The following PDGFRB variants were observed in gnomAD, a reference collection of about 807,000 sequenced individuals.
PDGFRB encodes the protein platelet-derived growth factor receptor beta.
In PDGFRB, 42 loss-of-function variants were observed where a neutral mutation model predicts 120.2. The ratio of observed to expected loss-of-function variants is 0.35; its 90% CI spans 0.27 to 0.45. PDGFRB has a LOEUF of 0.45. Ranked by LOEUF, PDGFRB falls within the 20% of genes least tolerant of loss-of-function variation. The pLI, the probability that PDGFRB is intolerant of heterozygous loss-of-function variation, is 1.00. For synonymous variants in PDGFRB, 586 were observed against 606.8 expected (o/e 0.97, Z 0.50); for missense variants, 1,149 against 1,476.3 (o/e 0.78, Z 3.63).
intron 1 of PDGFRB, among the ~76,000 whole-genome samples, chr5:150,149,620 C>T (rs1213796566): frequency 6.6e-6 from 1 of 152,182 alleles, no homozygotes; most frequent in Non-Finnish European, 1.5e-5. Context: ...CTGGGTTGGA[C>T]ACTGATAAGG....
Position 150,132,751 on chromosome 5 carries a change from G to A in PDGFRB, c.1126C>T (p.Arg376Trp), listed in dbSNP as rs142621427. Residue 376 changes from arginine to tryptophan, a missense_variant and splice_region_variant, in exon 7 of 23, where the codon CGG (arginine) becomes TGG (tryptophan). Physicochemically the swap from Arg to Trp is moderately radical, Grantham distance 101 (BLOSUM62 -3). Coordinates refer to ENST00000261799, the MANE Select transcript of PDGFRB (RefSeq NM_002609.4). The surrounding 1 kb of genome is among the most constrained non-coding windows in gnomAD (Gnocchi z 5.0). Reference protein sequence around the residue: ...ALSTRNVSETRYVSELTLVRV... With the variant: ...ALSTRNVSETWYVSELTLVRV... The stretch of plus-strand genomic sequence containing the variant: ...GGGATGGGAGAGCGAGCTGCTCACC[G>A]GGTCTCCGACACGTTGCGCGTGGAC... 8.1e-6 allele frequency: 13 copies of A among 1,611,180 alleles called. No individual in the cohort carries two copies. Among genetic ancestry groups the A allele is most frequent in the African/African-American group, 4.0e-5 (3 of 75,006 alleles).
intron 1 of PDGFRB, among the ~76,000 whole-genome samples, chr5:150,142,719 T>G (rs1279658333): frequency 6.6e-6 from 1 of 152,130 alleles, no homozygotes; most frequent in Non-Finnish European, 1.5e-5. Flanking sequence ...TATGTTCTTT[T>G]CCCTGCAAAT....
chr5:150,133,544 C>A (rs1169962698), intron 6 of PDGFRB, 42 bp downstream of exon 6: 1 of 1,536,416 alleles, frequency 6.5e-7, no homozygotes, highest in Non-Finnish European at 9.0e-7. Context: ...GGGTGGGGAG[C>A]GTTGAAGGAA....
chr5:150,124,172 C>T (rs530340085), intron 14 of PDGFRB, 78 bp downstream of exon 14: 3 of 955,588 alleles, frequency 3.1e-6, no homozygotes, highest in Admixed American at 4.0e-5. Context: ...TTGTGCAAGG[C>T]CTGAGGGGGG....
At chr5:150,138,802 C>T (rs1009787192) in intron 1 of PDGFRB, among the ~76,000 whole-genome samples, 3 of 152,238 alleles carry the variant, frequency 2.0e-5, no homozygotes, top group Non-Finnish European at 4.4e-5. Context: ...CCTCTGGCTG[C>T]CCCCTTCCTG....
intron 4 of PDGFRB, 179 bp downstream of exon 4, chr5:150,134,569 CCT>C (rs1760568461): frequency 1.6e-6 from 1 of 619,416 alleles, no homozygotes. Flanking sequence ...CAAGCTCCAT[CCT>C]CTCTCTGCGC....
intron 2 of PDGFRB, among the ~76,000 whole-genome samples, chr5:150,136,716 G>A (rs1376990641): frequency 1.3e-5 from 2 of 152,194 alleles, no homozygotes; most frequent in African/African-American, 4.8e-5. Flanking sequence ...CCAGACCGAG[G>A]ATAGGAGGCC....
intron 1 of PDGFRB, among the ~76,000 whole-genome samples, chr5:150,144,234 A>T (rs1760858222): frequency 6.6e-6 from 1 of 151,854 alleles, no homozygotes; most frequent in East Asian, 1.9e-4. Flanking sequence ...AGCCAGAGGG[A>T]CCTTTCTGAA....
chr5:150,141,534 G>A (rs1321256736), intron 1 of PDGFRB, among the ~76,000 whole-genome samples: 3 of 152,180 alleles, frequency 2.0e-5, no homozygotes, highest in African/African-American at 7.2e-5. Context: ...AAAGTGAAGT[G>A]GTGTGACTCT....
At chr5:150,151,000 C>A (rs941464874) in intron 1 of PDGFRB, among the ~76,000 whole-genome samples, 2 of 152,180 alleles carry the variant, frequency 1.3e-5, no homozygotes, top group Non-Finnish European at 2.9e-5. Flanking sequence ...CCTCTGAGCT[C>A]CTCAAGAAAC....
intron 1 of PDGFRB, among the ~76,000 whole-genome samples, chr5:150,143,806 T>A (rs1169328129): frequency 6.6e-6 from 1 of 152,038 alleles, no homozygotes; most frequent in Non-Finnish European, 1.5e-5. Context: ...TTCAATCCTA[T>A]GCTCGCTCCA....
rs1760305449 is a variant in PDGFRB, at chr5:150,126,724, C to T, written c.1580-110G>A. The T allele has an allele frequency of 8.3e-5, 58 of 701,490 alleles. 1 individual carries two copies. Among genetic ancestry groups the T allele is most frequent in the South Asian group, 7.1e-4 (47 of 66,272 alleles). The allele number at this position is 701,490 out of a possible 1,614,324, so 43.5% of individuals were successfully genotyped here. A position where few individuals can be genotyped will look rare whatever the true frequency, so the allele number is the denominator to read the frequency against. ...GTACACATCCTGTCCAGAATAGAAGCGCCCACCTCCCCATCAGCCTGCAGT... is the reference window on the plus strand; with the variant it reads ...GTACACATCCTGTCCAGAATAGAAGTGCCCACCTCCCCATCAGCCTGCAGT... On this transcript the variant is annotated intron_variant, in intron 10 of 22. Transcript: ENST00000261799.
intron 4 of PDGFRB, among the ~76,000 whole-genome samples, chr5:150,134,395 A>G (rs1237883978): frequency 6.6e-6 from 1 of 152,220 alleles, no homozygotes; most frequent in Non-Finnish European, 1.5e-5. Flanking sequence ...TCCCCACGTT[A>G]CAAGAGGGGA....
intron 8 of PDGFRB, among the ~76,000 whole-genome samples, chr5:150,131,054 C>A (rs1399695658): frequency 6.6e-6 from 1 of 152,162 alleles, no homozygotes; most frequent in Non-Finnish European, 1.5e-5. Context: ...TTTCCACCTA[C>A]AATAGAGAGG....
chr5:150,153,560 A>C (rs2113936482), intron 1 of PDGFRB: 1 of 152,286 alleles, frequency 6.6e-6, no homozygotes, highest in Middle Eastern at 3.4e-3. Flanking sequence ...AGTAGGTAAT[A>C]ACACTGATTT....
Position 150,115,568 on chromosome 5 carries a change from C to T in PDGFRB, c.*195G>A, listed in dbSNP as rs529397309. 3.1e-4 allele frequency: 145 copies of T among 465,242 alleles called. 2 individuals are homozygous for T. In the South Asian group the frequency reaches 4.4e-3, roughly 14 times the overall value. The allele number at this position is 465,242 out of a possible 1,614,324, so 28.8% of individuals were successfully genotyped here. A position where few individuals can be genotyped will look rare whatever the true frequency, so the allele number is the denominator to read the frequency against. On this transcript the variant is annotated 3_prime_UTR_variant, in exon 23 of 23. Coordinates refer to ENST00000261799, the MANE Select transcript of PDGFRB (RefSeq NM_002609.4). Reference sequence around the variant, plus strand: ...CTCCCTGGAGGCAGAGGGCTGGTCACGGCCCCTGCAGTTTTCTTGCCTCCT... The same window carrying T: ...CTCCCTGGAGGCAGAGGGCTGGTCATGGCCCCTGCAGTTTTCTTGCCTCCT...
intron 22 of PDGFRB, 24 bp downstream of exon 22, chr5:150,117,594 T>C (rs756096183): frequency 7.7e-7 from 1 of 1,293,464 alleles, no homozygotes; most frequent in Non-Finnish European, 1.1e-6. Context: ...CACAATTTCC[T>C]TGGCCCCAGG....
intron 15 of PDGFRB, among the ~76,000 whole-genome samples, chr5:150,122,451 C>A (rs1476752911): frequency 6.6e-6 from 1 of 152,256 alleles, no homozygotes; most frequent in African/African-American, 2.4e-5. Flanking sequence ...TGGGGCTCTA[C>A]ACACATCTGT....
At chr5:150,142,420 G>A (rs528580270) in intron 1 of PDGFRB, among the ~76,000 whole-genome samples, 2 of 152,194 alleles carry the variant, frequency 1.3e-5, no homozygotes, top group African/African-American at 2.4e-5. Flanking sequence ...AGCCAGGCAG[G>A]GATTGGCGAC....
Sources: gnomAD v4.1 joint callset for allele counts (sites outside exome capture counted in the v4.1 genomes callset) on GRCh38, gnomAD v4.1.1 for gene constraint, Gnocchi (gnomAD v3.1) non-coding constraint, MANE v1.5 for transcripts, NCBI Gene and HGNC (gene_info 2026-07-23, HGNC 2026-07-21) for gene names.